Variants in RASGRP2 observed in about 807,000 individuals in gnomAD.
RASGRP2 encodes RAS guanyl releasing protein 2, also known as RAS guanyl-releasing protein 2.
In RASGRP2, 44 loss-of-function variants were observed where a neutral mutation model predicts 71.0. The ratio of observed to expected loss-of-function variants is 0.62; its 90% CI spans 0.49 to 0.80. The LOEUF (loss-of-function observed/expected upper bound fraction) is 0.80, where lower values mean the gene tolerates loss of function less well. Among genes scored for constraint, RASGRP2 ranks in the 30% least tolerant of loss-of-function variants. RASGRP2 has a pLI of 0.00. For missense variants in RASGRP2, 663 were observed against 813.4 expected (o/e 0.82, Z 2.25); for synonymous variants, 350 against 330.7 (o/e 1.06, Z -0.63).
chr11:64,743,868 C>A lies in RASGRP2; in HGVS notation c.-72+135G>T, dbSNP rs1445118330. ...CAAGTTATTCGTCGGAGGCCGGGGA[C>A]CTAAGTGGAGGTGCAGGCGTCCGCA... On this transcript the variant is annotated intron_variant, in intron 1 of 16. Transcript: ENST00000394432. This position sits in a 1 kb window ranked among gnomAD's most constrained non-coding sequence, Gnocchi z 4.9. The A allele has an allele frequency of 2.0e-6, 1 of 508,704 alleles. No homozygotes were observed. Among genetic ancestry groups the A allele is most frequent in the Non-Finnish European group, 2.7e-6 (1 of 376,740 alleles). 31.5% of individuals were successfully genotyped at this position (508,704 alleles called of 1,614,324 possible).
intron 5 of RASGRP2, chr11:64,740,467 A>G (rs1289998527): frequency 6.3e-6 from 4 of 637,012 alleles, no homozygotes. Context: ...AGACAGACAC[A>G]GAAACACATG....
Position 64,743,678 on chromosome 11 carries a change from GAC to G in RASGRP2, c.-72+323_-72+324del, listed in dbSNP as rs765276500. 4.7e-5 allele frequency: 19 copies of G among 405,044 alleles called. No individual in the cohort carries two copies. The highest frequency in any genetic ancestry group is 3.3e-4 in the South Asian group (19 of 57,712). 25.1% of individuals were successfully genotyped at this position (405,044 alleles called of 1,614,324 possible). A position where few individuals can be genotyped will look rare whatever the true frequency, so the allele number is the denominator to read the frequency against. ...CTCTTCCTCCCTATCCCCGGCTCCT[GAC>G]CCTGGCCCCGGCCCCGCACAGGCGA... is the stretch of plus-strand genomic sequence containing the variant. On this transcript the variant is annotated intron_variant, in intron 1 of 16. Transcript: ENST00000394432. This position sits in a 1 kb window ranked among gnomAD's most constrained non-coding sequence, Gnocchi z 4.9.
chr11:64,739,326 T>C lies in RASGRP2; in HGVS notation c.813+34A>G, dbSNP rs773693637. The C allele has an allele frequency of 1.2e-4, 190 of 1,548,178 alleles. No homozygotes were observed. Among genetic ancestry groups the C allele is most frequent in the Non-Finnish European group, 1.6e-4 (181 of 1,120,140 alleles). On this transcript the variant is annotated intron_variant, in intron 8 of 16. Transcript: ENST00000394432. The surrounding 1 kb of genome is among the most constrained non-coding windows in gnomAD (Gnocchi z 4.2). ...TGGGAGGACCCAGTGAAGACAGACCTGGGAAGCACCGGCCCCTCCCCAGTC... is the reference window on the plus strand; with the variant it reads ...TGGGAGGACCCAGTGAAGACAGACCCGGGAAGCACCGGCCCCTCCCCAGTC...
At chr11:64,738,378 G>A (rs2135774254) in intron 8 of RASGRP2, among the ~76,000 whole-genome samples, 1 of 152,106 alleles carries the variant, frequency 6.6e-6, no homozygotes, top group Admixed American at 6.5e-5. Context: ...TCCCAACCCG[G>A]GCAGTAGTTA....
chr11:64,727,465 C>T, intron 15 of RASGRP2, 105 bp from the exon 16 acceptor site: 2 of 1,030,166 alleles, frequency 1.9e-6, no homozygotes, highest in Non-Finnish European at 3.0e-6. Context: ...GAAGCAGACC[C>T]ACCCACCAAA....
chr11:64,741,580 T>C (rs1201038427), intron 3 of RASGRP2, 79 bp from the exon 4 acceptor site: 2 of 1,278,840 alleles, frequency 1.6e-6, no homozygotes, highest in African/African-American at 3.0e-5. Flanking sequence ...CGGGGCCTGG[T>C]TCTAGGAGAC....
At chr11:64,729,728 C>T in intron 14 of RASGRP2, 34 bp downstream of exon 14, 2 of 1,609,026 alleles carry the variant, frequency 1.2e-6, no homozygotes, top group Non-Finnish European at 1.7e-6. Flanking sequence ...AAAAAAAACA[C>T]TGCCCAGCAG....
chr11:64,745,303 ACCGGGCGTCTT>A, upstream of RASGRP2: 1 of 152,628 alleles, frequency 6.6e-6, no homozygotes, highest in African/African-American at 2.4e-5. Context: ...CCGGCCCGGG[ACCGGGCGTCTT>A]CCTGCAGGCA....
chr11:64,742,664 A>G lies in RASGRP2; in HGVS notation c.73+130T>C, dbSNP rs2058169017. On this transcript the variant is annotated intron_variant, in intron 2 of 16. Coordinates refer to ENST00000394432, the MANE Select transcript of RASGRP2 (RefSeq NM_001098671.2). The surrounding 1 kb of genome is among the most constrained non-coding windows in gnomAD (Gnocchi z 4.7). The stretch of plus-strand genomic sequence containing the variant: ...GCGTTGCGGAGGAGGCTTTCGTTAA[A>G]GAGACTGCACGCTGCGGAGCAGGGT... The G allele has an allele frequency of 7.9e-7, 1 of 1,260,592 alleles. No homozygotes were observed. Among genetic ancestry groups the G allele is most frequent in the Non-Finnish European group, 1.1e-6 (1 of 893,144 alleles). 78.1% of individuals were successfully genotyped at this position (1,260,592 alleles called of 1,614,324 possible).
intron 12 of RASGRP2, 73 bp from the exon 13 acceptor site, chr11:64,730,267 A>G (rs185598986): frequency 3.9e-6 from 6 of 1,537,844 alleles, no homozygotes; most frequent in Admixed American, 3.9e-5. Flanking sequence ...AACCCATCCC[A>G]CTGTTCCCAG....
rs1455119914 is a variant in RASGRP2, at chr11:64,730,036, G to T, written c.1554+17C>A. The T allele has an allele frequency of 1.3e-6, 2 of 1,548,750 alleles. No individual in the cohort carries two copies. The highest frequency in any genetic ancestry group is 2.4e-5 in the South Asian group (2 of 84,008). On this transcript the variant is annotated intron_variant, in intron 13 of 16. Coordinates refer to ENST00000394432, the MANE Select transcript of RASGRP2 (RefSeq NM_001098671.2). ...AGGGGCGTGGCTTGGGCCGTGAGCC[G>T]GGAAAGGGACTCTCACCAGGGCTTT...
chr11:64,727,437 G>A, intron 15 of RASGRP2, 77 bp from the exon 16 acceptor site: 1 of 1,369,910 alleles, frequency 7.3e-7, no homozygotes. Flanking sequence ...CTCCACGGGA[G>A]GCATCCACAT....
In RASGRP2 at chr11:64,730,026, G is replaced by A. The variant is rs548278087; in HGVS notation, c.1554+27C>T. ...CCGGGGCTGGAGGGGCGTGGCTTGG[G>A]CCGTGAGCCGGGAAAGGGACTCTCA... On this transcript the variant is annotated intron_variant, in intron 13 of 16. Transcript: ENST00000394432. The A allele has an allele frequency of 5.3e-4, 814 of 1,547,286 alleles. 5 individuals carry two copies. Among genetic ancestry groups the A allele is most frequent in the Middle Eastern group, 4.6e-4 (2 of 4,360 alleles).
rs1282549659 is a variant in RASGRP2, at chr11:64,730,208, CG to C, written c.1413-15del. On this transcript the variant is annotated splice_polypyrimidine_tract_variant and intron_variant, in intron 12 of 16. Transcript: ENST00000394432. ...ATGCAGCCATCCCTGTGGGGAGTTGCGGGGGCGCTTCAGCTCGGGCCCTCCC... is the reference window on the plus strand; with the variant it reads ...ATGCAGCCATCCCTGTGGGGAGTTGCGGGGCGCTTCAGCTCGGGCCCTCCC... 3 of 1,551,350 alleles carry C rather than the reference CG, an allele frequency of 1.9e-6. No individual in the cohort carries two copies. The highest frequency in any genetic ancestry group is 3.9e-5 in the Admixed American group (2 of 51,002).
At chr11:64,729,120 C>T in intron 14 of RASGRP2, 78 bp from the exon 15 acceptor site, 1 of 1,413,758 alleles carries the variant, frequency 7.1e-7, no homozygotes, top group Non-Finnish European at 9.7e-7. Flanking sequence ...GCTTGTGCCC[C>T]CCTACCAGGA....
intron 14 of RASGRP2, among the ~76,000 whole-genome samples, 178 bp from the exon 15 acceptor site, chr11:64,729,220 C>T (rs545694260): frequency 1.4e-3 from 206 of 152,320 alleles, no homozygotes; most frequent in African/African-American, 4.9e-3. Flanking sequence ...TGCCTTCTCC[C>T]ATGTTCTCTG....
intron 12 of RASGRP2, among the ~76,000 whole-genome samples, chr11:64,734,727 T>C (rs79717398): frequency 6.6e-6 from 1 of 152,200 alleles, no homozygotes; most frequent in Non-Finnish European, 1.5e-5. Context: ...TATGAACTGT[T>C]GATAAACAAC....
Position 64,739,729 on chromosome 11 carries a change from G to T in RASGRP2, c.603C>A (p.Asn201Lys). The T allele has an allele frequency of 6.2e-7, 1 of 1,613,972 alleles. No homozygotes were observed. Among genetic ancestry groups the T allele is most frequent in the Admixed American group, 1.7e-5 (1 of 60,026 alleles). ...PVLERFISLF[N>K]SVSQWVQLMI... Reference sequence around the variant, plus strand: ...TGAGCTGCACCCACTGTGAGACGCTGTTGAAGAGGGAGATGAACCGCTCCA... The same window carrying T: ...TGAGCTGCACCCACTGTGAGACGCTTTTGAAGAGGGAGATGAACCGCTCCA... The change falls in exon 7 of 17, where the codon AAC (asparagine) becomes AAA (lysine). Residue 201 changes from asparagine (N) to lysine (K), a missense_variant. Physicochemically the swap from Asn to Lys is moderately conservative, Grantham distance 94 (BLOSUM62 0). Coordinates refer to ENST00000394432, the MANE Select transcript of RASGRP2 (RefSeq NM_001098671.2). The surrounding 1 kb of genome is among the most constrained non-coding windows in gnomAD (Gnocchi z 4.2).
intron 5 of RASGRP2, chr11:64,740,739 G>A (rs905101338): frequency 1.4e-6 from 1 of 702,686 alleles, no homozygotes; most frequent in African/African-American, 1.7e-5. Context: ...ACAGGAGGAG[G>A]TGTGTGGGAT....
Sources: allele counts gnomAD v4.1 joint callset (sites outside exome capture counted in the v4.1 genomes callset), GRCh38; gene constraint gnomAD v4.1.1; non-coding constraint Gnocchi (gnomAD v3.1); transcripts MANE v1.5; gene names NCBI Gene and HGNC (gene_info 2026-07-23, HGNC 2026-07-21).